The following SGMS2 variants were observed in gnomAD, a reference collection of about 807,000 sequenced individuals.
SGMS2 encodes phosphatidylcholine:ceramide cholinephosphotransferase 2.
SGMS2 carries 21 observed loss-of-function variants against 43.8 expected under a neutral mutation model. The ratio of observed to expected loss-of-function variants is 0.48; its 90% CI spans 0.34 to 0.69. The LOEUF (loss-of-function observed/expected upper bound fraction) is 0.69. Among genes scored for constraint, SGMS2 ranks in the 30% least tolerant of loss-of-function variants. The pLI is 0.01. For synonymous variants in SGMS2, 167 were observed against 160.6 expected, an observed-to-expected ratio of 1.04 and a Z score of -0.30; for missense variants, 384 against 443.2, an observed-to-expected ratio of 0.87 and a Z score of 1.20.
chr4:107,872,436 G>A (rs1290379680), intron 2 of SGMS2, among the ~76,000 whole-genome samples: 1 of 151,950 alleles, frequency 6.6e-6, no homozygotes, highest in Non-Finnish European at 1.5e-5. Flanking sequence ...TGAGGGAAGC[G>A]ACTTTTTAAA....
chr4:107,883,850 A>G (rs772065315), intron 2 of SGMS2, among the ~76,000 whole-genome samples: 1 of 152,228 alleles, frequency 6.6e-6, no homozygotes, highest in Non-Finnish European at 1.5e-5. Context: ...GTAAAAAATC[A>G]TTATTCTTGC....
intron 1 of SGMS2, among the ~76,000 whole-genome samples, chr4:107,826,919 G>A (rs573801411): frequency 6.6e-6 from 1 of 152,332 alleles, no homozygotes; most frequent in African/African-American, 2.4e-5. Flanking sequence ...GCTGTCCTAC[G>A]ACAGTACCGT....
At chr4:107,852,746 ATT>A (rs56359938) in intron 1 of SGMS2, among the ~76,000 whole-genome samples, 4 of 146,658 alleles carry the variant, frequency 2.7e-5, no homozygotes, top group African/African-American at 7.5e-5. Flanking sequence ...CTTGTTTCTC[ATT>A]TTTTTTTTTT....
intron 2 of SGMS2, among the ~76,000 whole-genome samples, chr4:107,872,377 T>C (rs76645871): frequency 0.027 from 4,122 of 152,252 alleles, 132 homozygotes; most frequent in East Asian, 0.1. Context: ...TTCGTAGCAG[T>C]TTTAATCTTT....
Position 107,910,598 on chromosome 4 carries a change from C to G in SGMS2, c.*45C>G, listed in dbSNP as rs755902838. The G allele has an allele frequency of 6.4e-7, 1 of 1,572,236 alleles. No homozygotes were observed. The highest frequency in any genetic ancestry group is 8.7e-7 in the Non-Finnish European group (1 of 1,151,994). On this transcript the variant is annotated 3_prime_UTR_variant, in exon 7 of 7. Coordinates refer to ENST00000690982, the MANE Select transcript of SGMS2 (RefSeq NM_001375905.1). ...AGCTCTTACACCAAAAGAGTTAACG[C>G]TGTAACCAAAGGTATAGTTTTGTTT...
At chr4:107,878,507 C>T (rs1729095991) in intron 2 of SGMS2, among the ~76,000 whole-genome samples, 2 of 152,148 alleles carry the variant, frequency 1.3e-5, no homozygotes, top group South Asian at 4.1e-4. Context: ...TTACAGTCTT[C>T]TTCTGTCTTC....
chr4:107,912,131 G>GA lies in SGMS2; in HGVS notation c.*1583dup. ...CAAAATTGACCTTTAAGTTGCTTGA[G>GA]AAAAACACAATGCAAATCGTTCAGA... On this transcript the variant is annotated 3_prime_UTR_variant, in exon 7 of 7. Coordinates refer to ENST00000690982, the MANE Select transcript of SGMS2 (RefSeq NM_001375905.1). 6.6e-6 allele frequency: 1 copy of GA among 152,094 alleles called. No homozygotes were observed. The highest frequency in any genetic ancestry group is 2.4e-5 in the African/African-American group (1 of 41,406). 9.4% of individuals were successfully genotyped at this position (152,094 alleles called of 1,614,324 possible).
chr4:107,886,858 C>T (rs142155717), intron 2 of SGMS2: 1 of 152,236 alleles, frequency 6.6e-6, no homozygotes, highest in African/African-American at 2.4e-5. Context: ...TCTTATTGCA[C>T]TTACGCAAAT....
chr4:107,832,764 A>G (rs939448020), intron 1 of SGMS2, among the ~76,000 whole-genome samples: 4 of 152,234 alleles, frequency 2.6e-5, no homozygotes, highest in Admixed American at 2.6e-4. Flanking sequence ...ACTGTGGCTC[A>G]TGCCTGTAGT....
At chr4:107,877,620 G>C (rs543815553) in intron 2 of SGMS2, among the ~76,000 whole-genome samples, 2 of 152,176 alleles carry the variant, frequency 1.3e-5, no homozygotes, top group South Asian at 2.1e-4. Context: ...TAGTGACCAC[G>C]TGTCTATCTT....
chr4:107,851,289 C>T (rs1727126951), intron 1 of SGMS2, among the ~76,000 whole-genome samples: 1 of 152,126 alleles, frequency 6.6e-6, no homozygotes, highest in Non-Finnish European at 1.5e-5. Flanking sequence ...ACAAGTTTCT[C>T]ACAAGAGAAG....
chr4:107,905,931 A>G (rs1731521437), intron 5 of SGMS2, among the ~76,000 whole-genome samples: 1 of 152,212 alleles, frequency 6.6e-6, no homozygotes, highest in South Asian at 2.1e-4. Context: ...ACATTTATAT[A>G]TAGTGTGCAA....
At position 107,913,576 on chromosome 4, in the gene SGMS2, G is replaced by A. The variant is rs1201562322; in HGVS notation, c.*3023G>A. On this transcript the variant is annotated 3_prime_UTR_variant, in exon 7 of 7. Transcript: ENST00000690982. The stretch of plus-strand genomic sequence containing the variant: ...AGTTTTTGAAAGGCATTTGTTTTCT[G>A]TTGTTTGCCAATAATCTGAAAGTAT... 1 of 152,106 alleles carries A rather than the reference G, an allele frequency of 6.6e-6. No homozygotes were observed. Among genetic ancestry groups the A allele is most frequent in the Non-Finnish European group, 1.5e-5 (1 of 67,998 alleles). The allele number at this position is 152,106 out of a possible 1,614,324, so 9.4% of individuals were successfully genotyped here.
chr4:107,856,700 G>C (rs1202270576), intron 1 of SGMS2, among the ~76,000 whole-genome samples: 1 of 152,188 alleles, frequency 6.6e-6, no homozygotes, highest in Non-Finnish European at 1.5e-5. Flanking sequence ...ACCATGGGGA[G>C]TGTAGTGTAC....
At chr4:107,833,086 G>A (rs1725980760) in intron 1 of SGMS2, among the ~76,000 whole-genome samples, 1 of 152,122 alleles carries the variant, frequency 6.6e-6, no homozygotes, top group Non-Finnish European at 1.5e-5. Context: ...GCATTTCCCT[G>A]TAAAAGCTTC....
intron 1 of SGMS2, among the ~76,000 whole-genome samples, chr4:107,854,553 A>G (rs1049222564): frequency 6.6e-6 from 1 of 152,112 alleles, no homozygotes; most frequent in Non-Finnish European, 1.5e-5. Context: ...TCAATGCATC[A>G]GGTTACTTAG....
intron 1 of SGMS2, among the ~76,000 whole-genome samples, chr4:107,828,193 A>C (rs761929839): frequency 3.8e-4 from 58 of 152,308 alleles, no homozygotes; most frequent in Non-Finnish European, 6.6e-4. Flanking sequence ...TAACATTTCT[A>C]TCTGCCCCCT....
intron 1 of SGMS2, among the ~76,000 whole-genome samples, chr4:107,849,701 A>T (rs1390862535): frequency 6.6e-6 from 1 of 152,106 alleles, no homozygotes; most frequent in African/African-American, 2.4e-5. Context: ...TTAAAACCAG[A>T]TCTCCTAATT....
intron 2 of SGMS2, among the ~76,000 whole-genome samples, chr4:107,888,598 C>A (rs990765298): frequency 6.6e-6 from 1 of 151,772 alleles, no homozygotes; most frequent in Non-Finnish European, 1.5e-5. Flanking sequence ...TTTAAGCTTT[C>A]TTACCAAAAA....
Sources: allele counts gnomAD v4.1 joint callset (sites outside exome capture counted in the v4.1 genomes callset), GRCh38; gene constraint gnomAD v4.1.1; transcripts MANE v1.5; gene names NCBI Gene and HGNC (gene_info 2026-07-23, HGNC 2026-07-21).